The following ITGA9 variants were observed in gnomAD, a reference collection of about 807,000 sequenced individuals.
The protein encoded by ITGA9 is integrin alpha-9.
A neutral mutation model predicts 127.8 loss-of-function variants in ITGA9; 56 were observed. The ratio of observed to expected loss-of-function variants is 0.44; its 90% CI spans 0.35 to 0.55. The LOEUF (loss-of-function observed/expected upper bound fraction) is 0.55. Ranked by LOEUF, ITGA9 falls within the 20% of genes least tolerant of loss-of-function variation. The pLI is 0.00. For synonymous variants in ITGA9, 508 were observed against 514.5 expected (o/e 0.99, Z 0.17); for missense variants, 1,196 against 1,347.1 (o/e 0.89, Z 1.76).
intron 27 of ITGA9, among the ~76,000 whole-genome samples, chr3:37,811,768 C>T (rs1559605799): frequency 6.6e-6 from 1 of 152,192 alleles, no homozygotes; most frequent in African/African-American, 2.4e-5. Context: ...GCCCTATGGC[C>T]ATGTCTTCCC....
chr3:37,662,396 A>AAAAT (rs1553655750), intron 17 of ITGA9, among the ~76,000 whole-genome samples: 2 of 151,604 alleles, frequency 1.3e-5, no homozygotes, highest in African/African-American at 2.4e-5. Flanking sequence ...GGGGGCAAAA[A>AAAAT]AATAATAATA....
intron 15 of ITGA9, among the ~76,000 whole-genome samples, chr3:37,591,207 C>T (rs1699814912): frequency 6.6e-6 from 1 of 152,328 alleles, no homozygotes; most frequent in Admixed American, 6.5e-5. Flanking sequence ...TTTTTCCCCA[C>T]CTCCTTTTCA....
chr3:37,504,486 T>C (rs974540485), intron 6 of ITGA9, among the ~76,000 whole-genome samples: 2 of 152,146 alleles, frequency 1.3e-5, no homozygotes, highest in Admixed American at 6.5e-5. Context: ...ACTGGTACTG[T>C]ACTTCTCACT....
intron 15 of ITGA9, among the ~76,000 whole-genome samples, chr3:37,598,562 C>A (rs750780837): frequency 1.3e-5 from 2 of 152,088 alleles, no homozygotes; most frequent in Non-Finnish European, 2.9e-5. Context: ...TCAGGAAGAT[C>A]TTGGCACAGA....
At chr3:37,474,884 G>C (rs1698476565) in intron 3 of ITGA9, among the ~76,000 whole-genome samples, 1 of 152,220 alleles carries the variant, frequency 6.6e-6, no homozygotes, top group Non-Finnish European at 1.5e-5. Flanking sequence ...CCACTTTTGT[G>C]TTAAACTTCT....
At chr3:37,459,023 A>T (rs1297968871) in intron 1 of ITGA9, among the ~76,000 whole-genome samples, 1 of 152,206 alleles carries the variant, frequency 6.6e-6, no homozygotes, top group African/African-American at 2.4e-5. Flanking sequence ...TAGGAAGCCG[A>T]TGTAAGTCCA....
chr3:37,604,893 G>A (rs1699954317), intron 15 of ITGA9, among the ~76,000 whole-genome samples: 1 of 152,176 alleles, frequency 6.6e-6, no homozygotes, highest in South Asian at 2.1e-4. Flanking sequence ...AGAAAGGCAT[G>A]TCAGTTGTCT....
At chr3:37,617,449 G>T (rs981197434) in intron 15 of ITGA9, among the ~76,000 whole-genome samples, 5 of 152,122 alleles carry the variant, frequency 3.3e-5, no homozygotes, top group Admixed American at 3.3e-4. Flanking sequence ...TCTTAGAGTT[G>T]CTCTTCTCGA....
intron 11 of ITGA9, among the ~76,000 whole-genome samples, chr3:37,521,936 A>G (rs1559527328): frequency 6.6e-6 from 1 of 152,024 alleles, no homozygotes; most frequent in Non-Finnish European, 1.5e-5. Context: ...TTCCTGTTGG[A>G]TGGCTTAACG....
intron 1 of ITGA9, among the ~76,000 whole-genome samples, chr3:37,466,693 G>T (rs1698376699): frequency 6.6e-6 from 1 of 152,104 alleles, no homozygotes; most frequent in Admixed American, 6.5e-5. Flanking sequence ...AATGCATTCT[G>T]ATTTAATGGG....
chr3:37,782,300 G>C (rs1170623812), intron 25 of ITGA9, among the ~76,000 whole-genome samples: 1 of 152,246 alleles, frequency 6.6e-6, no homozygotes, highest in Non-Finnish European at 1.5e-5. Flanking sequence ...CCTCAACCCA[G>C]ATGGCTGCTG....
At chr3:37,543,273 C>T (rs985860021) in intron 15 of ITGA9, among the ~76,000 whole-genome samples, 1 of 152,176 alleles carries the variant, frequency 6.6e-6, no homozygotes, top group African/African-American at 2.4e-5. Context: ...GACACTGACC[C>T]ATGGGCAGGG....
intron 9 of ITGA9, among the ~76,000 whole-genome samples, chr3:37,516,588 G>A (rs1698985984): frequency 6.6e-6 from 1 of 152,156 alleles, no homozygotes; most frequent in Admixed American, 6.5e-5. Flanking sequence ...TGTGTTTTGG[G>A]GTGGAGGTTT....
intron 9 of ITGA9, among the ~76,000 whole-genome samples, chr3:37,515,125 C>A (rs911234201): frequency 1.3e-5 from 2 of 152,154 alleles, no homozygotes; most frequent in African/African-American, 4.8e-5. Context: ...TTTTCTCTAA[C>A]ATGAGAAAAC....
chr3:37,651,296 A>C (rs541609482), intron 16 of ITGA9, among the ~76,000 whole-genome samples: 8 of 152,228 alleles, frequency 5.3e-5, no homozygotes, highest in Non-Finnish European at 1.0e-4. Context: ...AGTCTTTACA[A>C]AGCAACCAAT....
chr3:37,786,336 G>C (rs1464661022), intron 26 of ITGA9, among the ~76,000 whole-genome samples: 1 of 152,204 alleles, frequency 6.6e-6, no homozygotes, highest in African/African-American at 2.4e-5. Flanking sequence ...ACAAGACCCT[G>C]GTTGGGAAAG....
intron 16 of ITGA9, among the ~76,000 whole-genome samples, chr3:37,642,414 G>A (rs558071956): frequency 6.6e-6 from 1 of 152,374 alleles, no homozygotes; most frequent in East Asian, 1.9e-4. Context: ...TATAGTGGAT[G>A]CTTAGTAAAT....
chr3:37,622,511 C>G (rs1476567137), intron 15 of ITGA9, among the ~76,000 whole-genome samples: 1 of 151,964 alleles, frequency 6.6e-6, no homozygotes, highest in African/African-American at 2.4e-5. Context: ...TAATAGGGAG[C>G]TTTTTATAGA....
chr3:37,686,731 T>C (rs954853848), intron 18 of ITGA9, among the ~76,000 whole-genome samples: 1 of 152,130 alleles, frequency 6.6e-6, no homozygotes, highest in African/African-American at 2.4e-5. Context: ...GGGAGGTATC[T>C]TGTAGCTGCT....
Sources: gnomAD v4.1 joint callset for allele counts (sites outside exome capture counted in the v4.1 genomes callset) on GRCh38, gnomAD v4.1.1 for gene constraint, MANE v1.5 for transcripts, NCBI Gene and HGNC (gene_info 2026-07-23, HGNC 2026-07-21) for gene names.